Variants in DSCAM observed in about 807,000 individuals in gnomAD.
DSCAM encodes the protein cell adhesion molecule DSCAM.
Under a neutral mutation model 217.7 loss-of-function variants are expected in DSCAM, and 47 were observed. The ratio of observed to expected loss-of-function variants is 0.22; its 90% CI spans 0.17 to 0.28. The LOEUF is 0.28. DSCAM is among the 10% of genes least tolerant of loss of function. DSCAM has a pLI of 1.00. For missense variants in DSCAM, 2,080 were observed against 2,618.3 expected, an observed-to-expected ratio of 0.79 and a Z score of 4.49; for synonymous variants, 1,056 against 1,015.3, an observed-to-expected ratio of 1.04 and a Z score of -0.76.
At chr21:40,752,421 CT>C (rs2091238315) in intron 1 of DSCAM, among the ~76,000 whole-genome samples, 1 of 152,192 alleles carries the variant, frequency 6.6e-6, no homozygotes, top group East Asian at 1.9e-4. Context: ...ACGTTTAATG[CT>C]TTTCCTTGGG....
rs775342564 is a variant in DSCAM, at chr21:40,676,895, G to A, written c.508+15915C>T. Among the ~76,000 whole-genome samples, 6 of 152,082 alleles carry A rather than the reference G, an allele frequency of 3.9e-5. 1 individual carries two copies. Among genetic ancestry groups the A allele is most frequent in the Middle Eastern group, 6.8e-3 (2 of 294 alleles). On this transcript the variant is annotated intron_variant, in intron 3 of 32. Transcript: ENST00000400454. Reference sequence around the variant, plus strand: ...CTGTGGAAACGAGTCACGTGCATCCGGGCCTCGTGCTCCCTGGCTCTCCAC... The same window carrying A: ...CTGTGGAAACGAGTCACGTGCATCCAGGCCTCGTGCTCCCTGGCTCTCCAC...
intron 3 of DSCAM, among the ~76,000 whole-genome samples, chr21:40,527,961 T>C (rs1601717612): frequency 6.6e-6 from 1 of 152,222 alleles, no homozygotes; most frequent in Non-Finnish European, 1.5e-5. Flanking sequence ...AGTTCTGCCA[T>C]GTAAGGTAAC....
At chr21:40,320,017 G>A (rs2074242791) in intron 8 of DSCAM, among the ~76,000 whole-genome samples, 1 of 152,162 alleles carries the variant, frequency 6.6e-6, no homozygotes, top group Non-Finnish European at 1.5e-5. Flanking sequence ...CATGGACACA[G>A]GGAGAGGAAG....
At chr21:40,037,011 G>A (rs1180533921) in intron 32 of DSCAM, among the ~76,000 whole-genome samples, 13 of 150,374 alleles carry the variant, frequency 8.6e-5, no homozygotes, top group South Asian at 2.1e-4. Context: ...TTGATGGGAC[G>A]TATTTCAAAA....
intron 7 of DSCAM, among the ~76,000 whole-genome samples, chr21:40,338,859 G>A (rs1368471243): frequency 6.6e-6 from 1 of 152,204 alleles, no homozygotes; most frequent in African/African-American, 2.4e-5. Flanking sequence ...GAAAGGGCAT[G>A]CAGAGCATAA....
intron 3 of DSCAM, among the ~76,000 whole-genome samples, chr21:40,678,971 A>G (rs2090370671): frequency 6.6e-6 from 1 of 152,210 alleles, no homozygotes; most frequent in African/African-American, 2.4e-5. Context: ...TCATTTCATG[A>G]AAATAAAAGA....
chr21:40,437,890 G>T (rs906470993), intron 3 of DSCAM, among the ~76,000 whole-genome samples: 1 of 152,166 alleles, frequency 6.6e-6, no homozygotes, highest in Non-Finnish European at 1.5e-5. Context: ...CCAGAACTGG[G>T]GCACTGGCAG....
chr21:40,764,716 A>G (rs2091369856), intron 1 of DSCAM, among the ~76,000 whole-genome samples: 1 of 152,214 alleles, frequency 6.6e-6, no homozygotes, highest in African/African-American at 2.4e-5. Flanking sequence ...CCCATCAATG[A>G]TAGACTGGAT....
intron 1 of DSCAM, among the ~76,000 whole-genome samples, chr21:40,771,196 G>A (rs1459821108): frequency 2.6e-5 from 4 of 152,304 alleles, no homozygotes; most frequent in African/African-American, 9.6e-5. Flanking sequence ...AGCCACTTAA[G>A]GGCACGAGCT....
At chr21:40,055,196 TG>T (rs1280850409) in intron 29 of DSCAM, among the ~76,000 whole-genome samples, 2 of 152,120 alleles carry the variant, frequency 1.3e-5, no homozygotes, top group Non-Finnish European at 2.9e-5. Flanking sequence ...AAAGTGCTGC[TG>T]GGGAAACAGC....
chr21:40,746,706 T>C (rs2091178481), intron 1 of DSCAM, among the ~76,000 whole-genome samples: 1 of 151,892 alleles, frequency 6.6e-6, no homozygotes, highest in Non-Finnish European at 1.5e-5. Flanking sequence ...TAAACAGCCT[T>C]CTAGATCAAA....
intron 16 of DSCAM, among the ~76,000 whole-genome samples, chr21:40,158,570 G>A (rs919787204): frequency 2.0e-4 from 31 of 152,158 alleles, no homozygotes; most frequent in African/African-American, 6.0e-4. Context: ...GATGCAACAC[G>A]TGCCACAGAT....
At chr21:40,068,933 A>G (rs750722255) in intron 27 of DSCAM, among the ~76,000 whole-genome samples, 1 of 152,048 alleles carries the variant, frequency 6.6e-6, no homozygotes, top group Non-Finnish European at 1.5e-5. Context: ...TAAAAATACA[A>G]AATTAGCCGG....
intron 1 of DSCAM, among the ~76,000 whole-genome samples, chr21:40,742,488 C>A (rs1293663629): frequency 6.6e-6 from 1 of 152,240 alleles, no homozygotes; most frequent in Non-Finnish European, 1.5e-5. Context: ...TACTGACACA[C>A]TGATTTTCAT....
chr21:40,186,107 C>T (rs1408807638), intron 14 of DSCAM, among the ~76,000 whole-genome samples: 1 of 152,190 alleles, frequency 6.6e-6, no homozygotes, highest in African/African-American at 2.4e-5. Context: ...TCTCAATCTT[C>T]AAATTCTGTT....
chr21:40,086,026 C>T (rs1048456948), intron 22 of DSCAM, among the ~76,000 whole-genome samples: 6 of 152,218 alleles, frequency 3.9e-5, no homozygotes, highest in African/African-American at 1.2e-4. Context: ...CAGTGGACTC[C>T]TCATCTGTGC....
chr21:40,293,645 C>T (rs1006199540), intron 10 of DSCAM, among the ~76,000 whole-genome samples: 46 of 152,080 alleles, frequency 3.0e-4, no homozygotes, highest in African/African-American at 9.9e-4. Context: ...CATGGTGAAA[C>T]CTCATCTCTA....
chr21:40,072,141 G>A (rs1401536778), intron 27 of DSCAM, among the ~76,000 whole-genome samples: 2 of 152,088 alleles, frequency 1.3e-5, no homozygotes, highest in Non-Finnish European at 2.9e-5. Context: ...CTAGGACCTG[G>A]CTAAACTCTT....
At chr21:40,597,963 G>A (rs748566591) in intron 3 of DSCAM, among the ~76,000 whole-genome samples, 2 of 152,114 alleles carry the variant, frequency 1.3e-5, no homozygotes, top group South Asian at 2.1e-4. Context: ...ACTAAAGGCC[G>A]CGATTTACAT....
Sources: allele counts gnomAD v4.1 joint callset (sites outside exome capture counted in the v4.1 genomes callset), GRCh38; gene constraint gnomAD v4.1.1; transcripts MANE v1.5; gene names NCBI Gene and HGNC (gene_info 2026-07-23, HGNC 2026-07-21).